DIP2B: variants seen among roughly 807,000 people sequenced by gnomAD.
DIP2B encodes disco-interacting protein 2 homolog B.
A neutral mutation model predicts 198.0 loss-of-function variants in DIP2B; 76 were observed. That is an observed-to-expected ratio of 0.38 (90% confidence interval 0.32 to 0.46). The LOEUF is 0.46. Ranked by LOEUF, DIP2B falls within the 20% of genes least tolerant of loss-of-function variation. DIP2B has a pLI of 0.99. For missense variants in DIP2B, 1,559 were observed against 1,978.4 expected (o/e 0.79, Z 4.02); for synonymous variants, 701 against 739.1 (o/e 0.95, Z 0.84).
intron 31 of DIP2B, 130 bp from the exon 32 acceptor site, chr12:50,732,236 C>A: frequency 1.0e-6 from 1 of 964,244 alleles, no homozygotes; most frequent in Non-Finnish European, 1.5e-6. Context: ...CTGCTTTTTT[C>A]TCTGTGTGCC....
chr12:50,562,252 G>T (rs1354292052), intron 1 of DIP2B, among the ~76,000 whole-genome samples: 1 of 152,094 alleles, frequency 6.6e-6, no homozygotes, highest in Non-Finnish European at 1.5e-5. Flanking sequence ...CCTGATTCTA[G>T]AATACAGAAG....
intron 29 of DIP2B, 27 bp from the exon 30 acceptor site, chr12:50,728,521 G>C: frequency 6.2e-7 from 1 of 1,611,092 alleles, no homozygotes; most frequent in Non-Finnish European, 8.5e-7. Context: ...AACAGTCCCA[G>C]CCTGTTCCAT....
intron 3 of DIP2B, among the ~76,000 whole-genome samples, chr12:50,653,643 A>G (rs1345739592): frequency 6.6e-6 from 1 of 151,480 alleles, no homozygotes; most frequent in African/African-American, 2.4e-5. Context: ...TACCCAGCCC[A>G]TAGTCTCTTA....
At chr12:50,733,201 C>T (rs368690497) in intron 32 of DIP2B, among the ~76,000 whole-genome samples, 2 of 151,778 alleles carry the variant, frequency 1.3e-5, no homozygotes, top group South Asian at 2.1e-4. Context: ...CCACCGCGCC[C>T]GGTCTGACCT....
intron 1 of DIP2B, among the ~76,000 whole-genome samples, chr12:50,601,706 TC>T (rs1307750166): frequency 3.3e-5 from 5 of 152,348 alleles, no homozygotes; most frequent in African/African-American, 1.2e-4. Flanking sequence ...TTTAGCCAGT[TC>T]GTGAACACTC....
At chr12:50,563,213 G>T (rs1387921905) in intron 1 of DIP2B, among the ~76,000 whole-genome samples, 1 of 152,070 alleles carries the variant, frequency 6.6e-6, no homozygotes, top group African/African-American at 2.4e-5. Context: ...CTGAGATATG[G>T]TCTCTCTCTG....
At chr12:50,657,595 C>G (rs1412567140) in intron 3 of DIP2B, among the ~76,000 whole-genome samples, 1 of 151,026 alleles carries the variant, frequency 6.6e-6, no homozygotes, top group Admixed American at 6.6e-5. Flanking sequence ...AGTTGGAGAC[C>G]AGCCTGGGCA....
chr12:50,605,134 T>A (rs1405213418), intron 1 of DIP2B, among the ~76,000 whole-genome samples: 1 of 152,210 alleles, frequency 6.6e-6, no homozygotes, highest in Non-Finnish European at 1.5e-5. Flanking sequence ...AAACTTTAGA[T>A]GCAGTAAGGT....
intron 22 of DIP2B, among the ~76,000 whole-genome samples, chr12:50,713,983 TC>T (rs1163665969): frequency 1.3e-5 from 2 of 152,238 alleles, no homozygotes; most frequent in African/African-American, 4.8e-5. Context: ...ATCCCTGTAG[TC>T]CCAGCTTCTT....
chr12:50,671,485 T>C, intron 5 of DIP2B, 87 bp downstream of exon 5: 1 of 1,344,286 alleles, frequency 7.4e-7, no homozygotes, highest in Non-Finnish European at 1.0e-6. Context: ...TGTGTTAGGT[T>C]TTTCAGTATG....
At position 50,582,087 on chromosome 12, in the gene DIP2B, C is replaced by G. The variant is rs1469800218; in HGVS notation, c.101-43889C>G. ...GCTTGATCAAAGAGAAGGGCAGTAA[C>G]TTTTTAGATGAAGTGAATTTTGTTT... On this transcript the variant is annotated intron_variant, in intron 1 of 37. Transcript: ENST00000301180. Among the ~76,000 whole-genome samples the G allele has an allele frequency of 2.7e-5, 4 of 146,378 alleles. 1 individual carries two copies. Among genetic ancestry groups the G allele is most frequent in the African/African-American group, 1.0e-4 (4 of 39,166 alleles).
chr12:50,508,246 A>G (rs760171779), intron 1 of DIP2B, among the ~76,000 whole-genome samples: 6 of 152,234 alleles, frequency 3.9e-5, no homozygotes, highest in African/African-American at 9.6e-5. Flanking sequence ...GAGCTTTTCT[A>G]TAGACGAGTT....
intron 1 of DIP2B, among the ~76,000 whole-genome samples, chr12:50,623,431 ACACACACT>A (rs58536326): frequency 0.13 from 6,287 of 49,676 alleles, 91 homozygotes; most frequent in Non-Finnish European, 0.16. Context: ...ACACACACAC[ACACACACT>A]CTCTCTCTCT....
intron 1 of DIP2B, among the ~76,000 whole-genome samples, chr12:50,544,624 CTTTT>C (rs66562074): frequency 2.9e-5 from 4 of 137,006 alleles, no homozygotes; most frequent in Admixed American, 7.3e-5. Context: ...CTTTCTTTTT[CTTTT>C]TTTTTTTTTT....
At chr12:50,721,208 C>G in intron 25 of DIP2B, 65 bp from the exon 26 acceptor site, 2 of 1,566,476 alleles carry the variant, frequency 1.3e-6, no homozygotes, top group South Asian at 1.2e-5. Context: ...GTTGAATTGG[C>G]TGTGCTTATT....
At chr12:50,648,546 G>A (rs986811892) in intron 3 of DIP2B, among the ~76,000 whole-genome samples, 1 of 151,812 alleles carries the variant, frequency 6.6e-6, no homozygotes, top group Non-Finnish European at 1.5e-5. Flanking sequence ...TGTATTTTTA[G>A]TAGAGACGGG....
intron 3 of DIP2B, among the ~76,000 whole-genome samples, chr12:50,645,562 A>G (rs1038549756): frequency 4.6e-5 from 7 of 152,108 alleles, no homozygotes; most frequent in East Asian, 3.9e-4. Context: ...GGTTCAAGCA[A>G]TCTTCCTGCC....
At chr12:50,524,223 C>T (rs1680035632) in intron 1 of DIP2B, among the ~76,000 whole-genome samples, 1 of 152,198 alleles carries the variant, frequency 6.6e-6, no homozygotes, top group Non-Finnish European at 1.5e-5. Flanking sequence ...CCCATGTCAT[C>T]ACATCTCTTG....
At position 50,695,854 on chromosome 12, in the gene DIP2B, T is replaced by C; in HGVS notation, c.1820T>C (p.Val607Ala). Residue 607 changes from valine (V) to alanine (A), a missense_variant, in exon 16 of 38, where the codon GTA becomes GCA. Transcript: ENST00000301180. ...ATCCTTTTTGAATTTATAGCCAAGG[T>C]AGCTTTAGTAAAATGTCGGGACTTG... Reference protein sequence around the residue: ...VQRVHAHKAKVALVKCRDLHW... With the variant: ...VQRVHAHKAKAALVKCRDLHW... The C allele has an allele frequency of 6.2e-7, 1 of 1,614,062 alleles. No homozygotes were observed. The highest frequency in any genetic ancestry group is 8.5e-7 in the Non-Finnish European group (1 of 1,179,912).
Sources: allele counts gnomAD v4.1 joint callset (sites outside exome capture counted in the v4.1 genomes callset), GRCh38; gene constraint gnomAD v4.1.1; transcripts MANE v1.5; gene names NCBI Gene and HGNC (gene_info 2026-07-23, HGNC 2026-07-21).